Variants in MLIP observed in about 807,000 individuals in gnomAD.
The protein encoded by MLIP is muscular LMNA interacting protein, also known as muscular LMNA-interacting protein.
In MLIP, 79 loss-of-function variants were observed where a neutral mutation model predicts 84.8. That is an observed-to-expected ratio of 0.93 (90% CI 0.78 to 1.12). The LOEUF is 1.12. MLIP is among the 50% of genes most tolerant of loss of function. The pLI is 0.00. For missense variants in MLIP, 1,257 were observed against 1,160.6 expected (o/e 1.08, Z -1.21); for synonymous variants, 504 against 463.0 (o/e 1.09, Z -1.14).
intron 8 of MLIP, among the ~76,000 whole-genome samples, chr6:54,165,030 G>C (rs1462697871): frequency 6.6e-6 from 1 of 151,912 alleles, no homozygotes; most frequent in African/African-American, 2.4e-5. Context: ...AAGTTTTTCA[G>C]ATGTCTTATT....
intron 10 of MLIP, among the ~76,000 whole-genome samples, chr6:54,196,221 T>C (rs1778284780): frequency 1.3e-5 from 2 of 152,178 alleles, no homozygotes; most frequent in Admixed American, 1.3e-4. Context: ...AGGGTACATG[T>C]GCATGACGTG....
intron 12 of MLIP, among the ~76,000 whole-genome samples, chr6:54,241,612 GC>G (rs1271543503): frequency 6.6e-6 from 1 of 151,824 alleles, no homozygotes. Context: ...AAATTAAAGT[GC>G]CCTTTTCATA....
intron 5 of MLIP, among the ~76,000 whole-genome samples, chr6:54,153,226 T>C (rs1254620561): frequency 6.6e-6 from 1 of 152,148 alleles, no homozygotes; most frequent in Non-Finnish European, 1.5e-5. Flanking sequence ...AATATAAAAT[T>C]AGTTATTTTA....
At chr6:54,038,860 G>T (rs1273207173) in intron 1 of MLIP, among the ~76,000 whole-genome samples, 1 of 151,746 alleles carries the variant, frequency 6.6e-6, no homozygotes, top group African/African-American at 2.4e-5. Flanking sequence ...AATTAAAATT[G>T]TTTTCTATTT....
At chr6:54,111,652 G>A in intron 1 of MLIP, 77 bp downstream of exon 1, 3 of 1,412,434 alleles carry the variant, frequency 2.1e-6, no homozygotes, top group Non-Finnish European at 1.9e-6. Context: ...TTGCTGCAAG[G>A]ATGTGAGGGA....
intron 5 of MLIP, among the ~76,000 whole-genome samples, chr6:54,150,204 T>A (rs568583884): frequency 2.4e-4 from 36 of 152,312 alleles, no homozygotes; most frequent in Middle Eastern, 3.4e-3. Context: ...AATTCCACAT[T>A]ATACACAGGT....
chr6:54,216,417 G>A (rs1365743406), intron 11 of MLIP: 17 of 985,098 alleles, frequency 1.7e-5, no homozygotes, highest in South Asian at 1.4e-4. Context: ...CAGCATTGTA[G>A]TCCTCTGCTG....
intron 1 of MLIP, chr6:54,041,153 T>A (rs965664871): frequency 6.6e-5 from 10 of 152,128 alleles, no homozygotes; most frequent in Middle Eastern, 6.3e-3. Context: ...TATCTTTCCC[T>A]ACCCCCAACT....
chr6:54,220,932 C>T (rs1052934160), intron 11 of MLIP, among the ~76,000 whole-genome samples: 8 of 152,040 alleles, frequency 5.3e-5, no homozygotes, highest in African/African-American at 1.9e-4. Flanking sequence ...TACACACACA[C>T]ACACACACGT....
chr6:54,251,183 G>GA (rs1217603441), intron 12 of MLIP, among the ~76,000 whole-genome samples: 1 of 151,620 alleles, frequency 6.6e-6, no homozygotes, highest in Non-Finnish European at 1.5e-5. Context: ...ATAAATATTT[G>GA]AAACAAATTC....
At chr6:54,035,599 T>C (rs1210221783) in intron 1 of MLIP, among the ~76,000 whole-genome samples, 1 of 152,090 alleles carries the variant, frequency 6.6e-6, no homozygotes, top group Non-Finnish European at 1.5e-5. Flanking sequence ...TGTATGAGTG[T>C]CACAGTTTCT....
At position 54,224,909 on chromosome 6, in the gene MLIP, T is replaced by A. The variant is rs148503237; in HGVS notation, c.2719-5805T>A. ...CTCATCCAGGTCACTGCAAATGCTG[T>A]TAATTCACTCCTTTTTATGGCTGAG... On this transcript the variant is annotated intron_variant, in intron 11 of 13. Transcript: ENST00000502396. Among the ~76,000 whole-genome samples the A allele has an allele frequency of 2.2e-3, 328 of 152,306 alleles. 10 individuals carry two copies. The East Asian group carries it at 0.059, about 27-fold the overall frequency.
At chr6:54,148,572 A>G (rs1773102310) in intron 4 of MLIP, among the ~76,000 whole-genome samples, 1 of 152,150 alleles carries the variant, frequency 6.6e-6, no homozygotes, top group Admixed American at 6.6e-5. Context: ...AATGGCTGCT[A>G]ATTTTTATGT....
At chr6:54,091,742 G>A (rs185574657) in intron 1 of MLIP, among the ~76,000 whole-genome samples, 1 of 152,268 alleles carries the variant, frequency 6.6e-6, no homozygotes, top group East Asian at 1.9e-4. Context: ...CTATTGTCAT[G>A]ATCCTTCTAA....
intron 9 of MLIP, among the ~76,000 whole-genome samples, chr6:54,184,529 C>T (rs1777201944): frequency 6.6e-6 from 1 of 152,130 alleles, no homozygotes; most frequent in African/African-American, 2.4e-5. Context: ...TCTTTGTTTG[C>T]CTTTGGCATC....
chr6:54,210,164 A>ACCAGAG (rs1779339615), intron 11 of MLIP, among the ~76,000 whole-genome samples: 1 of 152,298 alleles, frequency 6.6e-6, no homozygotes, highest in African/African-American at 2.4e-5. Flanking sequence ...ACCGCACCGC[A>ACCAGAG]CCAGAGCCAG....
intron 3 of MLIP, among the ~76,000 whole-genome samples, chr6:54,126,762 G>A (rs1275523594): frequency 6.6e-6 from 1 of 152,114 alleles, no homozygotes; most frequent in Non-Finnish European, 1.5e-5. Flanking sequence ...TGGGCTGCTT[G>A]ATGCCAACAA....
intron 1 of MLIP, among the ~76,000 whole-genome samples, chr6:54,077,261 A>G (rs940356673): frequency 6.6e-6 from 1 of 152,160 alleles, no homozygotes; most frequent in South Asian, 2.1e-4. Context: ...TTTTGTGTAA[A>G]GGGTCAGATA....
At chr6:54,216,445 T>C in intron 11 of MLIP, 1 of 985,256 alleles carries the variant, frequency 1.0e-6, no homozygotes, top group Non-Finnish European at 1.2e-6. Context: ...TGATTGATTA[T>C]GGAGTGTTTT....
Sources: gnomAD v4.1 joint callset for allele counts (sites outside exome capture counted in the v4.1 genomes callset) on GRCh38, gnomAD v4.1.1 for gene constraint, MANE v1.5 for transcripts, NCBI Gene and HGNC (gene_info 2026-07-23, HGNC 2026-07-21) for gene names.